Variants in SLC14A2 observed in about 807,000 individuals in gnomAD.
The protein encoded by SLC14A2 is urea transporter 2.
In SLC14A2, 91 loss-of-function variants were observed where a neutral mutation model predicts 104.6. That is an observed-to-expected ratio of 0.87 (90% CI 0.73 to 1.04). The LOEUF is 1.04. SLC14A2 is among the 50% of genes least tolerant of loss of function. The probability of loss-of-function intolerance (pLI) is 0.00; values close to 1 mark genes in which losing one functional copy is unlikely to be tolerated. For synonymous variants in SLC14A2, 476 were observed against 466.4 expected (o/e 1.02, Z -0.27); for missense variants, 1,189 against 1,156.0 (o/e 1.03, Z -0.41).
At chr18:45,397,799 A>G (rs2086051968) in intron 1 of SLC14A2, among the ~76,000 whole-genome samples, 1 of 152,168 alleles carries the variant, frequency 6.6e-6, no homozygotes, top group Admixed American at 6.5e-5. Context: ...TCTAAGTCAT[A>G]GTTTCCACAT....
intron 1 of SLC14A2, among the ~76,000 whole-genome samples, chr18:45,284,692 G>A (rs12458686): frequency 0.19 from 29,064 of 152,102 alleles, 4,317 homozygotes; most frequent in African/African-American, 0.41. Flanking sequence ...CTGGTTGGAT[G>A]TTGACTGATG....
At chr18:45,298,672 A>G (rs1306980741) in intron 1 of SLC14A2, among the ~76,000 whole-genome samples, 1 of 152,198 alleles carries the variant, frequency 6.6e-6, no homozygotes, top group Admixed American at 6.5e-5. Flanking sequence ...TTGATTGTAT[A>G]TTAATATCAT....
intron 11 of SLC14A2, 118 bp from the exon 12 acceptor site, chr18:45,666,014 TCCTCA>T: frequency 1.5e-6 from 1 of 671,644 alleles, no homozygotes; most frequent in East Asian, 2.6e-5. Context: ...ATTCTGTGCT[TCCTCA>T]GTAGGAACAG....
chr18:45,268,109 C>CA (rs1340356720), intron 1 of SLC14A2, among the ~76,000 whole-genome samples: 3 of 151,962 alleles, frequency 2.0e-5, no homozygotes, highest in African/African-American at 4.8e-5. Context: ...CTCTCCCTTG[C>CA]AAAAAAATTG....
At chr18:45,534,835 A>C (rs1484643787) in intron 2 of SLC14A2, among the ~76,000 whole-genome samples, 1 of 152,236 alleles carries the variant, frequency 6.6e-6, no homozygotes, top group African/African-American at 2.4e-5. Flanking sequence ...GGATCAGTTA[A>C]TGGTAGATTA....
chr18:45,392,957 T>A (rs2085987934), intron 1 of SLC14A2, among the ~76,000 whole-genome samples: 1 of 152,218 alleles, frequency 6.6e-6, no homozygotes, highest in Non-Finnish European at 1.5e-5. Flanking sequence ...GTGATCATAT[T>A]GTTTAATGTC....
upstream of SLC14A2, among the ~76,000 whole-genome samples, chr18:45,613,087 T>A (rs2044998460): frequency 6.6e-6 from 1 of 152,176 alleles, no homozygotes; most frequent in Non-Finnish European, 1.5e-5. Context: ...CAGGCTGGAG[T>A]GCAGTAGCGC....
rs368501311 is a variant in SLC14A2 at position 45,523,284 on chromosome 18, A to C, written c.-35+39962A>C. On this transcript the variant is annotated intron_variant, in intron 2 of 20. Transcript: ENST00000586448. ...TAAGTATCACAAAGACAGGTCGCCC[A>C]GGGCAGGAGCAATCTATACTCCCAT... 9.9e-4 allele frequency among the ~76,000 whole-genome samples: 151 copies of C among 152,128 alleles called. 1 individual carries two copies. Among genetic ancestry groups the C allele is most frequent in the African/African-American group, 3.3e-3 (137 of 41,526 alleles).
At chr18:45,528,190 G>T (rs537202443) in intron 2 of SLC14A2, 14,391 of 144,618 alleles carry the variant, frequency 0.1, 1,352 homozygotes, top group Non-Finnish European at 0.13. Context: ...TGCGGGGGGG[G>T]GGGGGGGTGT....
At chr18:45,601,256 C>G (rs939460872) in intron 2 of SLC14A2, among the ~76,000 whole-genome samples, 2 of 152,242 alleles carry the variant, frequency 1.3e-5, no homozygotes, top group Non-Finnish European at 2.9e-5. Flanking sequence ...GAGCTTTATC[C>G]TAACTTACCA....
intron 2 of SLC14A2, among the ~76,000 whole-genome samples, chr18:45,518,947 GC>G (rs1265029695): frequency 1.3e-5 from 2 of 152,146 alleles, no homozygotes; most frequent in African/African-American, 4.8e-5. Flanking sequence ...CTGGCAAGGG[GC>G]CAGCCTGGTG....
chr18:45,667,764 C>A, intron 13 of SLC14A2, 69 bp from the exon 14 acceptor site: 2 of 1,297,960 alleles, frequency 1.5e-6, no homozygotes, highest in Non-Finnish European at 2.2e-6. Context: ...TCCCTCACAC[C>A]CTCCATCTGC....
At chr18:45,291,180 T>C (rs1018818425) in intron 1 of SLC14A2, among the ~76,000 whole-genome samples, 1 of 152,092 alleles carries the variant, frequency 6.6e-6, no homozygotes, top group Non-Finnish European at 1.5e-5. Flanking sequence ...TGATATATAG[T>C]CATGTGTGAT....
At chr18:45,426,627 TATA>T (rs1221509295) in intron 1 of SLC14A2, among the ~76,000 whole-genome samples, 4 of 148,886 alleles carry the variant, frequency 2.7e-5, no homozygotes, top group Non-Finnish European at 5.9e-5. Context: ...TACACATATA[TATA>T]CTATATATCT....
intron 15 of SLC14A2, among the ~76,000 whole-genome samples, chr18:45,668,690 T>A (rs773328954): frequency 1.3e-5 from 2 of 152,244 alleles, no homozygotes; most frequent in Non-Finnish European, 2.9e-5. Flanking sequence ...CCCTTTATTA[T>A]TCTTTTAAGA....
At chr18:45,677,667 A>C (rs2046249368) in intron 18 of SLC14A2, among the ~76,000 whole-genome samples, 1 of 152,220 alleles carries the variant, frequency 6.6e-6, no homozygotes, top group Non-Finnish European at 1.5e-5. Context: ...ATGTATGTTA[A>C]TTAATGAGGA....
intron 1 of SLC14A2, among the ~76,000 whole-genome samples, chr18:45,424,454 T>C (rs571840095): frequency 4.6e-5 from 7 of 152,152 alleles, no homozygotes; most frequent in African/African-American, 1.2e-4. Flanking sequence ...AAACACATGG[T>C]GTGGATGCCT....
chr18:45,645,905 G>A (rs1019497089), intron 10 of SLC14A2, among the ~76,000 whole-genome samples: 23 of 152,148 alleles, frequency 1.5e-4, no homozygotes, highest in South Asian at 4.2e-4. Flanking sequence ...ACTGGTGGGC[G>A]GTGCACAGGC....
chr18:45,569,410 C>T (rs1488169600), intron 2 of SLC14A2, among the ~76,000 whole-genome samples: 1 of 152,220 alleles, frequency 6.6e-6, no homozygotes, highest in Non-Finnish European at 1.5e-5. Context: ...CAGTGCTACA[C>T]TTTCTTACTC....
Sources: gnomAD v4.1 joint callset for allele counts (sites outside exome capture counted in the v4.1 genomes callset) on GRCh38, gnomAD v4.1.1 for gene constraint, MANE v1.5 for transcripts, NCBI Gene and HGNC (gene_info 2026-07-23, HGNC 2026-07-21) for gene names.